Variants in RBFOX1 observed in about 807,000 individuals in gnomAD.
The protein encoded by RBFOX1 is RNA binding protein fox-1 homolog 1.
In RBFOX1, 8 loss-of-function variants were observed where a neutral mutation model predicts 57.7. That is an observed-to-expected ratio of 0.14 (90% confidence interval 0.08 to 0.25). The LOEUF is 0.25. RBFOX1 is among the 10% of genes least tolerant of loss of function. The pLI, the probability that RBFOX1 is intolerant of heterozygous loss-of-function variation, is 1.00. For synonymous variants in RBFOX1, 326 were observed against 222.4 expected (o/e 1.47, Z -4.15); for missense variants, 611 against 548.5 (o/e 1.11, Z -1.14).
intron 1 of RBFOX1, among the ~76,000 whole-genome samples, chr16:5,254,449 T>C (rs1320753163): frequency 6.6e-6 from 1 of 152,174 alleles, no homozygotes; most frequent in Non-Finnish European, 1.5e-5. Flanking sequence ...GTAAAGACCT[T>C]AGTTGTCAGT....
chr16:6,054,656 C>T (rs2095592884), intron 1 of RBFOX1, among the ~76,000 whole-genome samples: 1 of 152,138 alleles, frequency 6.6e-6, no homozygotes, highest in Non-Finnish European at 1.5e-5. Context: ...TAGAATAAGT[C>T]ACTGTAATGA....
At chr16:6,841,964 C>G (rs952493899) in intron 3 of RBFOX1, among the ~76,000 whole-genome samples, 1 of 135,300 alleles carries the variant, frequency 7.4e-6, no homozygotes, top group African/African-American at 3.0e-5. Flanking sequence ...CGGTGAAACC[C>G]CGTCTCTATT....
intron 1 of RBFOX1, among the ~76,000 whole-genome samples, chr16:5,435,663 A>G (rs562241984): frequency 1.1e-4 from 17 of 152,114 alleles, no homozygotes; most frequent in African/African-American, 3.9e-4. Context: ...GTTTCCAGGG[A>G]ATTTGGGAAG....
chr16:6,614,069 G>A (rs989401640), intron 2 of RBFOX1, among the ~76,000 whole-genome samples: 21 of 152,178 alleles, frequency 1.4e-4, no homozygotes, highest in Admixed American at 3.9e-4. Flanking sequence ...TACATTGTAA[G>A]TTGCTTTATT....
chr16:6,239,746 C>T (rs2097530350), intron 1 of RBFOX1, among the ~76,000 whole-genome samples: 1 of 152,130 alleles, frequency 6.6e-6, no homozygotes, highest in South Asian at 2.1e-4. Flanking sequence ...ATCCGCCTGC[C>T]TTGGCCTCCC....
At position 7,321,868 on chromosome 16, in the gene RBFOX1, C is replaced by G. The variant is rs182208825; in HGVS notation, c.28-196279C>G. 2.9e-3 allele frequency among the ~76,000 whole-genome samples: 443 copies of G among 152,262 alleles called. 4 individuals carry two copies. Among genetic ancestry groups the G allele is most frequent in the African/African-American group, 0.01 (427 of 41,544 alleles). ...ACCTGTCAGAGGCTCTCTGTTGCCACCAGCTGCCTGGCCATGACATCGCAG... is the reference window on the plus strand; with the variant it reads ...ACCTGTCAGAGGCTCTCTGTTGCCAGCAGCTGCCTGGCCATGACATCGCAG... On this transcript the variant is annotated intron_variant, in intron 4 of 15. Coordinates refer to ENST00000550418, the MANE Select transcript of RBFOX1 (RefSeq NM_018723.4).
chr16:6,100,954 T>C (rs1372566309), intron 1 of RBFOX1, among the ~76,000 whole-genome samples: 9 of 152,100 alleles, frequency 5.9e-5, no homozygotes, highest in Non-Finnish European at 1.3e-4. Context: ...CACAAAGGGA[T>C]TTTTTTCCGT....
At chr16:7,621,845 T>A (rs1186400760) in intron 10 of RBFOX1, among the ~76,000 whole-genome samples, 1 of 152,178 alleles carries the variant, frequency 6.6e-6, no homozygotes, top group Non-Finnish European at 1.5e-5. Flanking sequence ...AGTAAACACT[T>A]TAGCCTCTGC....
intron 14 of RBFOX1, among the ~76,000 whole-genome samples, chr16:7,700,649 C>G (rs1039771422): frequency 6.6e-6 from 1 of 152,166 alleles, no homozygotes; most frequent in Non-Finnish European, 1.5e-5. Context: ...GAAGGATGGC[C>G]TTGAGCTCTG....
At chr16:6,385,161 C>G (rs565336447) in intron 2 of RBFOX1, among the ~76,000 whole-genome samples, 2 of 152,288 alleles carry the variant, frequency 1.3e-5, no homozygotes, top group East Asian at 1.9e-4. Flanking sequence ...GGAAGATGCT[C>G]TCAGTGTGGA....
intron 1 of RBFOX1, among the ~76,000 whole-genome samples, chr16:6,284,950 C>T (rs1269585638): frequency 6.6e-6 from 1 of 152,012 alleles, no homozygotes; most frequent in Non-Finnish European, 1.5e-5. Flanking sequence ...TATCCTCTTG[C>T]CTGACACAGA....
At chr16:6,706,634 C>G (rs1008975506) in intron 3 of RBFOX1, among the ~76,000 whole-genome samples, 2 of 151,662 alleles carry the variant, frequency 1.3e-5, no homozygotes, top group Non-Finnish European at 2.9e-5. Context: ...CAACACTGGC[C>G]TTTCTGAAGG....
chr16:6,849,176 C>A (rs529044065), intron 3 of RBFOX1, among the ~76,000 whole-genome samples: 2 of 152,164 alleles, frequency 1.3e-5, no homozygotes, highest in Non-Finnish European at 2.9e-5. Flanking sequence ...GCTGAACACT[C>A]TTGAATGTAG....
At chr16:6,649,793 G>T (rs974523178) in intron 2 of RBFOX1, among the ~76,000 whole-genome samples, 3 of 152,048 alleles carry the variant, frequency 2.0e-5, no homozygotes, top group Non-Finnish European at 4.4e-5. Context: ...TTTTATATAT[G>T]TAAGTATATG....
intron 4 of RBFOX1, among the ~76,000 whole-genome samples, chr16:7,478,505 G>T (rs191120669): frequency 6.6e-6 from 1 of 152,202 alleles, no homozygotes; most frequent in African/African-American, 2.4e-5. Context: ...AGGCTAGAGA[G>T]GGGGAGTCCC....
intron 3 of RBFOX1, among the ~76,000 whole-genome samples, chr16:5,674,083 T>C (rs1178182459): frequency 6.6e-6 from 1 of 152,136 alleles, no homozygotes; most frequent in Non-Finnish European, 1.5e-5. Flanking sequence ...CTCTATGTAG[T>C]ATTGTTCTAG....
chr16:6,707,339 A>G (rs780194448), intron 3 of RBFOX1, among the ~76,000 whole-genome samples: 1 of 152,186 alleles, frequency 6.6e-6, no homozygotes, highest in Non-Finnish European at 1.5e-5. Context: ...CACACAATGA[A>G]CATTCATATT....
intron 3 of RBFOX1, among the ~76,000 whole-genome samples, chr16:5,609,327 C>T (rs2047694250): frequency 6.6e-6 from 1 of 152,174 alleles, no homozygotes; most frequent in Non-Finnish European, 1.5e-5. Flanking sequence ...CAGTCTATCC[C>T]ATTACCAGCA....
intron 1 of RBFOX1, among the ~76,000 whole-genome samples, chr16:5,241,181 T>A (rs927809761): frequency 3.3e-5 from 5 of 152,154 alleles, no homozygotes; most frequent in Non-Finnish European, 7.3e-5. Context: ...GTCTTGGGGT[T>A]GCTCCCGGAT....
Sources: gnomAD v4.1 joint callset for allele counts (sites outside exome capture counted in the v4.1 genomes callset) on GRCh38, gnomAD v4.1.1 for gene constraint, MANE v1.5 for transcripts, NCBI Gene and HGNC (gene_info 2026-07-23, HGNC 2026-07-21) for gene names.